ZNF621: variants seen among roughly 807,000 people sequenced by gnomAD.
ZNF621 encodes the protein zinc finger protein 621.
A neutral mutation model predicts 12.7 loss-of-function variants in ZNF621; 6 were observed. That is an observed-to-expected ratio of 0.47 (90% CI 0.26 to 0.93). The LOEUF is 0.93. ZNF621 is among the 40% of genes least tolerant of loss of function. The pLI is 0.15. For missense variants in ZNF621, 474 were observed against 524.0 expected (o/e 0.90, Z 0.93); for synonymous variants, 156 against 190.3 (o/e 0.82, Z 1.48).
intron 1 of ZNF621, 147 bp from the exon 2 acceptor site, chr3:40,525,631 TG>T: frequency 1.5e-6 from 1 of 672,878 alleles, no homozygotes; most frequent in Non-Finnish European, 2.6e-6. Flanking sequence ...ATAAGAAGTT[TG>T]GGGCTATCAG....
At chr3:40,527,533 T>G (rs907140846) in intron 2 of ZNF621, among the ~76,000 whole-genome samples, 12 of 152,196 alleles carry the variant, frequency 7.9e-5, no homozygotes, top group African/African-American at 2.9e-4. Context: ...GGTTTCACCA[T>G]GTTGGCCAGG....
Position 40,534,010 on chromosome 3 carries a change from T to G in ZNF621, c.*920T>G, listed in dbSNP as rs1698803633. The G allele has an allele frequency of 6.6e-6, 1 of 152,536 alleles. No individual in the cohort carries two copies. Among genetic ancestry groups the G allele is most frequent in the Non-Finnish European group, 1.5e-5 (1 of 68,024 alleles). The allele number at this position is 152,536 out of a possible 1,614,324, so 9.4% of individuals were successfully genotyped here. On this transcript the variant is annotated 3_prime_UTR_variant, in exon 5 of 5. Transcript: ENST00000339296. ...GTTTTTTTTTCTTTAGTTTTGCTCT[T>G]GATAGCTAGATGTTTCTTTTAACTT...
In ZNF621 at chr3:40,526,813, A is replaced by G. The variant is rs539988242; in HGVS notation, c.24+949A>G. Among the ~76,000 whole-genome samples the G allele has an allele frequency of 1.0e-3, 157 of 152,320 alleles. 1 individual carries two copies. The highest frequency in any genetic ancestry group is 3.3e-3 in the African/African-American group (138 of 41,576). On this transcript the variant is annotated intron_variant, in intron 2 of 4. Transcript: ENST00000339296. ...TAGCCCTTAGTGGCAAATTGATGGT[A>G]GAAAGGTGTTGGTCAATTAAGAAGA...
chr3:40,530,667 AT>A (rs960192869), intron 4 of ZNF621, among the ~76,000 whole-genome samples: 1 of 152,150 alleles, frequency 6.6e-6, no homozygotes, highest in South Asian at 2.1e-4. Flanking sequence ...GGAAAATATG[AT>A]TTTTTGGGGC....
At position 40,533,795 on chromosome 3, in the gene ZNF621, C is replaced by T. The variant is rs1698798065; in HGVS notation, c.*705C>T. ...ATTGGAATAAGCTTCCAACAATGGA[C>T]TGTAGAGATTAATGGAGATTGTTTA... On this transcript the variant is annotated 3_prime_UTR_variant, in exon 5 of 5. Coordinates refer to ENST00000339296, the MANE Select transcript of ZNF621 (RefSeq NM_198484.5). The T allele has an allele frequency of 6.6e-6, 1 of 152,410 alleles. No individual in the cohort carries two copies. Among genetic ancestry groups the T allele is most frequent in the South Asian group, 2.1e-4 (1 of 4,838 alleles). The allele number at this position is 152,410 out of a possible 1,614,324, so 9.4% of individuals were successfully genotyped here. A position where few individuals can be genotyped will look rare whatever the true frequency, so the allele number is the denominator to read the frequency against.
intron 3 of ZNF621, 170 bp downstream of exon 3, chr3:40,529,615 G>GT: frequency 2.7e-6 from 4 of 1,472,898 alleles, no homozygotes; most frequent in East Asian, 2.8e-5. Flanking sequence ...TTGTTTGTTT[G>GT]TTTGTTTTGT....
chr3:40,530,810 A>T (rs77716681), intron 4 of ZNF621, among the ~76,000 whole-genome samples: 3 of 152,156 alleles, frequency 2.0e-5, no homozygotes, highest in African/African-American at 7.2e-5. Context: ...TTAGATCTAC[A>T]TTATATTTAC....
rs199764985 is a variant in ZNF621 at position 40,530,279 on chromosome 3, T to C, written c.222T>C (p.Asp74=). 2.2e-5 allele frequency: 36 copies of C among 1,614,004 alleles called. No homozygotes were observed. In the South Asian group the frequency reaches 3.1e-4, roughly 14 times the overall value. ...LERGEAPWGP[D]PWDTEILRGI... is the part of the protein sequence containing the mutation. ...GAGGGGAAGCACCATGGGGCCCAGA[T>C]CCCTGGGACACCGAGATTCTGAGAG... The change falls in exon 4 of 5, where the codon GAT becomes GAC. Residue 74 remains aspartate, a synonymous_variant. Coordinates refer to ENST00000339296, the MANE Select transcript of ZNF621 (RefSeq NM_198484.5).
In ZNF621 at chr3:40,533,332, G is replaced by A; in HGVS notation, c.*242G>A. The A allele has an allele frequency of 1.7e-6, 1 of 578,048 alleles. No homozygotes were observed. The highest frequency in any genetic ancestry group is 3.6e-5 in the Admixed American group (1 of 27,828). The allele number at this position is 578,048 out of a possible 1,614,324, so 35.8% of individuals were successfully genotyped here. A position where few individuals can be genotyped will look rare whatever the true frequency, so the allele number is the denominator to read the frequency against. ...ATTTCTGTATTTTTAGAAGAGATGGGGTTTCGCCATCTTGGCCAGGCTGGT... is the reference window on the plus strand; with the variant it reads ...ATTTCTGTATTTTTAGAAGAGATGGAGTTTCGCCATCTTGGCCAGGCTGGT... On this transcript the variant is annotated 3_prime_UTR_variant, in exon 5 of 5. Transcript: ENST00000339296.
chr3:40,538,485 C>T lies in ZNF621; in HGVS notation c.*5395C>T. 6.1e-6 allele frequency: 1 copy of T among 164,702 alleles called. No homozygotes were observed. Among genetic ancestry groups the T allele is most frequent in the Non-Finnish European group, 1.3e-5 (1 of 75,514 alleles). 10.2% of individuals were successfully genotyped at this position (164,702 alleles called of 1,614,324 possible). On this transcript the variant is annotated 3_prime_UTR_variant, in exon 5 of 5. Transcript: ENST00000339296. Reference sequence around the variant, plus strand: ...TGAGGTTGCACCACTGTGCTTCAGCCTGGGTAACAGAGTGAGACTGTCTCA... The same window carrying T: ...TGAGGTTGCACCACTGTGCTTCAGCTTGGGTAACAGAGTGAGACTGTCTCA...
In ZNF621 at chr3:40,536,913, A is replaced by G. The variant is rs946020860; in HGVS notation, c.*3823A>G. 3 of 151,950 alleles carry G rather than the reference A, an allele frequency of 2.0e-5. No individual in the cohort carries two copies. In the East Asian group the frequency reaches 5.8e-4, roughly 29 times the overall value. 9.4% of individuals were successfully genotyped at this position (151,950 alleles called of 1,614,324 possible). Reference sequence around the variant, plus strand: ...TGTGTTTTGGTGATTAGTGACTTTTATGTTTCTATTGTAATTGTTTTGGGG... The same window carrying G: ...TGTGTTTTGGTGATTAGTGACTTTTGTGTTTCTATTGTAATTGTTTTGGGG... On this transcript the variant is annotated 3_prime_UTR_variant, in exon 5 of 5. Coordinates refer to ENST00000339296, the MANE Select transcript of ZNF621 (RefSeq NM_198484.5).
In ZNF621 at chr3:40,536,661, T is replaced by C. The variant is rs1235596540; in HGVS notation, c.*3571T>C. On this transcript the variant is annotated 3_prime_UTR_variant, in exon 5 of 5. Coordinates refer to ENST00000339296, the MANE Select transcript of ZNF621 (RefSeq NM_198484.5). ...TTTCTTGTTGTAAAACAGATGTTTG[T>C]TTCTAAAATATAATGAATTAATGAT... is the stretch of plus-strand genomic sequence containing the variant. 6.6e-6 allele frequency: 1 copy of C among 152,200 alleles called. No individual in the cohort carries two copies. Among genetic ancestry groups the C allele is most frequent in the Non-Finnish European group, 1.5e-5 (1 of 68,036 alleles). 9.4% of individuals were successfully genotyped at this position (152,200 alleles called of 1,614,324 possible).
chr3:40,530,126 C>T, intron 3 of ZNF621, 83 bp from the exon 4 acceptor site: 7 of 1,151,718 alleles, frequency 6.1e-6, no homozygotes, highest in Non-Finnish European at 8.9e-6. Flanking sequence ...CCCAAGTAGC[C>T]TGATGGAGGG....
chr3:40,524,655 A>C (rs1331958226), upstream of ZNF621, among the ~76,000 whole-genome samples: 6 of 152,136 alleles, frequency 3.9e-5, no homozygotes, highest in Non-Finnish European at 2.9e-5. Flanking sequence ...CAAGGCGGCC[A>C]ACAGCTGAGG....
At chr3:40,526,010 A>G in intron 2 of ZNF621, 146 bp downstream of exon 2, 6 of 880,466 alleles carry the variant, frequency 6.8e-6, no homozygotes. Flanking sequence ...GGGCTATGGC[A>G]GATGTAAATA....
In ZNF621 at chr3:40,532,251, C is replaced by T. The variant is rs545349353; in HGVS notation, c.481C>T (p.Arg161Ter). ...ATGTAAAGAATGTGGGAAAATCTTC[C>T]GATATAACTCAAAGCTTATTCGGCA... ...YECKECGKIF[R>*]YNSKLIRHQM... Residue 161 changes from arginine to a stop codon, truncating the protein, a stop_gained, in exon 5 of 5, where the codon CGA becomes TGA. Transcript: ENST00000339296. LOFTEE classifies it low-confidence loss of function (END_TRUNC). 82 of 1,613,944 alleles carry T rather than the reference C, an allele frequency of 5.1e-5. No homozygotes were observed. Among genetic ancestry groups the T allele is most frequent in the Middle Eastern group, 3.3e-4 (2 of 6,062 alleles).
intron 2 of ZNF621, among the ~76,000 whole-genome samples, chr3:40,529,089 G>A (rs540970618): frequency 2.6e-5 from 4 of 152,276 alleles, no homozygotes; most frequent in African/African-American, 7.2e-5. Context: ...CAGCAGTTAC[G>A]GGCTCCAGAG....
chr3:40,529,394 G>A lies in ZNF621; in HGVS notation c.100G>A (p.Ala34Thr). 6.2e-7 allele frequency: 1 copy of A among 1,613,912 alleles called. No individual in the cohort carries two copies. Among genetic ancestry groups the A allele is most frequent in the Non-Finnish European group, 8.5e-7 (1 of 1,179,876 alleles). ...QWASLDPAQR[A>T]LYGEVMLENY... ...GGCCAGCCTCGACCCTGCGCAGAGG[G>A]CCCTGTACGGGGAGGTGATGCTGGA... The change falls in exon 3 of 5, where the codon GCC becomes ACC. Residue 34 changes from alanine to threonine, a missense_variant. By Grantham distance (58) the Ala-to-Thr change is moderately conservative (BLOSUM62 0). Transcript: ENST00000339296.
rs1698907010 is a variant in ZNF621, at chr3:40,537,920, C to G, written c.*4830C>G. Among the ~76,000 whole-genome samples, 1 of 152,192 alleles carries G rather than the reference C, an allele frequency of 6.6e-6. No homozygotes were observed. The highest frequency in any genetic ancestry group is 1.5e-5 in the Non-Finnish European group (1 of 68,040). ...AGATTTTCAGTGTATTCCAAACAGCCTTCTTTTGGAAGAAGAAACCATCTA... is the reference window on the plus strand; with the variant it reads ...AGATTTTCAGTGTATTCCAAACAGCGTTCTTTTGGAAGAAGAAACCATCTA... On this transcript the variant is annotated 3_prime_UTR_variant, in exon 5 of 5. Transcript: ENST00000339296.
Sources: allele counts gnomAD v4.1 joint callset (sites outside exome capture counted in the v4.1 genomes callset), GRCh38; gene constraint gnomAD v4.1.1; transcripts MANE v1.5; gene names NCBI Gene and HGNC (gene_info 2026-07-23, HGNC 2026-07-21).